Variants in CUX2 observed in about 807,000 individuals in gnomAD.
CUX2 encodes homeobox protein cut-like 2.
In CUX2, 40 loss-of-function variants were observed where a neutral mutation model predicts 144.8. The observed-to-expected ratio is 0.28, with a 90% CI of 0.21 to 0.36. The LOEUF is 0.36. Among genes scored for constraint, CUX2 ranks in the 10% least tolerant of loss-of-function variants. The pLI is 1.00. For synonymous variants in CUX2, 827 were observed against 875.6 expected (o/e 0.94, Z 0.98); for missense variants, 1,615 against 1,994.0 (o/e 0.81, Z 3.62).
At chr12:111,299,319 G>T (rs920358972) in intron 9 of CUX2, among the ~76,000 whole-genome samples, 1 of 152,232 alleles carries the variant, frequency 6.6e-6, no homozygotes, top group African/African-American at 2.4e-5. Context: ...TTTTGAAGCT[G>T]GGTTTCAGAG....
At chr12:111,340,368 GC>G (rs1204765306) in intron 20 of CUX2, among the ~76,000 whole-genome samples, 1 of 152,044 alleles carries the variant, frequency 6.6e-6, no homozygotes, top group East Asian at 1.9e-4. Flanking sequence ...CCTACCTATT[GC>G]CCACTGAAGG....
chr12:111,118,487 G>A (rs1044080407), intron 1 of CUX2, among the ~76,000 whole-genome samples: 4 of 152,122 alleles, frequency 2.6e-5, no homozygotes, highest in African/African-American at 9.7e-5. Context: ...ACCAGTCAGG[G>A]CTTTTTTCCC....
intron 3 of CUX2, among the ~76,000 whole-genome samples, chr12:111,220,075 C>T (rs192246918): frequency 2.6e-5 from 4 of 151,018 alleles, no homozygotes; most frequent in African/African-American, 9.8e-5. Context: ...ACCCAGGAGG[C>T]GGAGGTTGCA....
At chr12:111,343,440 C>G (rs971950541) in intron 21 of CUX2, among the ~76,000 whole-genome samples, 2 of 152,144 alleles carry the variant, frequency 1.3e-5, no homozygotes, top group Non-Finnish European at 2.9e-5. Flanking sequence ...CCCTGCCAAG[C>G]TTCCTGAGCA....
intron 1 of CUX2, among the ~76,000 whole-genome samples, chr12:111,161,007 T>G (rs1877724027): frequency 6.6e-6 from 1 of 152,090 alleles, no homozygotes; most frequent in Non-Finnish European, 1.5e-5. Flanking sequence ...AGAGGGGTTA[T>G]CAGGTCCGCA....
intron 1 of CUX2, among the ~76,000 whole-genome samples, chr12:111,185,465 C>T (rs1231035075): frequency 6.6e-6 from 1 of 152,208 alleles, no homozygotes; most frequent in East Asian, 1.9e-4. Context: ...GGACAGGTGT[C>T]GGCGTAATCG....
At chr12:111,182,315 G>A (rs1336577543) in intron 1 of CUX2, among the ~76,000 whole-genome samples, 3 of 152,128 alleles carry the variant, frequency 2.0e-5, no homozygotes, top group African/African-American at 4.8e-5. Context: ...CCACTTCCAC[G>A]CTAAATCATA....
chr12:111,142,171 T>G (rs1876365585), intron 1 of CUX2, among the ~76,000 whole-genome samples: 2 of 152,190 alleles, frequency 1.3e-5, no homozygotes, highest in South Asian at 4.1e-4. Context: ...AATTTGTAAA[T>G]TTCCATTAGA....
chr12:111,335,808 AG>A (rs1157372822), intron 19 of CUX2, among the ~76,000 whole-genome samples: 1 of 152,122 alleles, frequency 6.6e-6, no homozygotes, highest in Non-Finnish European at 1.5e-5. Flanking sequence ...CAGGAAGCTG[AG>A]GCAGGAGGCC....
At position 111,310,815 on chromosome 12, in the gene CUX2, G is replaced by A; in HGVS notation, c.1900+133G>A. On this transcript the variant is annotated intron_variant, in intron 15 of 21. Transcript: ENST00000261726. The surrounding 1 kb of genome is among the most constrained non-coding windows in gnomAD (Gnocchi z 7.9). ...CACCTGGCTGTGTGACCCAGGGCCA[G>A]TGGCTTTGCCTGTCTGTGCCTCAGT... 9.6e-7 allele frequency: 1 copy of A among 1,045,836 alleles called. No homozygotes were observed. The highest frequency in any genetic ancestry group is 1.7e-5 in the South Asian group (1 of 58,980). The allele number at this position is 1,045,836 out of a possible 1,614,324, so 64.8% of individuals were successfully genotyped here. A position where few individuals can be genotyped will look rare whatever the true frequency, so the allele number is the denominator to read the frequency against.
At position 111,295,765 on chromosome 12, in the gene CUX2, A is replaced by AATTAATTAATTAATTAATTAATTAATTT. The variant is rs548397283; in HGVS notation, c.637+371_637+372insAATTAATTAATTTATTAATTAATTAATT. Among the ~76,000 whole-genome samples, 1 of 151,478 alleles carries AATTAATTAATTAATTAATTAATTAATTT rather than the reference A, an allele frequency of 6.6e-6. No homozygotes were observed. Among genetic ancestry groups the AATTAATTAATTAATTAATTAATTAATTT allele is most frequent in the East Asian group, 2.0e-4 (1 of 5,016 alleles). ...AGACCCTGTCTCTAATTAATTAATT[A>AATTAATTAATTAATTAATTAATTAATTT]ATTAATTAATTAATTTAATACAACC... On this transcript the variant is annotated intron_variant, in intron 7 of 21. Coordinates refer to ENST00000261726, the MANE Select transcript of CUX2 (RefSeq NM_015267.4). The surrounding 1 kb of genome is among the most constrained non-coding windows in gnomAD (Gnocchi z 5.0).
At chr12:111,184,097 C>A (rs1233411180) in intron 1 of CUX2, among the ~76,000 whole-genome samples, 1 of 152,186 alleles carries the variant, frequency 6.6e-6, no homozygotes, top group Admixed American at 6.5e-5. Context: ...ATGGGAGCAG[C>A]CATCAATGTG....
intron 3 of CUX2, among the ~76,000 whole-genome samples, chr12:111,233,073 G>A (rs1171697948): frequency 6.6e-6 from 1 of 152,208 alleles, no homozygotes; most frequent in African/African-American, 2.4e-5. Context: ...CTAGTCACAG[G>A]AAGAGAGGAA....
intron 5 of CUX2, among the ~76,000 whole-genome samples, chr12:111,292,068 T>TGAC (rs1212919893): frequency 6.6e-6 from 1 of 152,108 alleles, no homozygotes; most frequent in Non-Finnish European, 1.5e-5. Context: ...GCTCACCACA[T>TGAC]GACCCAGCAG....
rs758986271 is a variant in CUX2, at chr12:111,186,739, G to A, written c.64-27461G>A. 3.9e-5 allele frequency among the ~76,000 whole-genome samples: 6 copies of A among 152,118 alleles called. No homozygotes were observed. The South Asian group carries it at 1.0e-3, about 26-fold the overall frequency. ...GTGATGGTGCATACCTGAGAGGGTC[G>A]CTGAGACATGTGCAGGTATTAAAAT... On this transcript the variant is annotated intron_variant, in intron 1 of 21. Transcript: ENST00000261726. The surrounding 1 kb of genome is among the most constrained non-coding windows in gnomAD (Gnocchi z 4.4).
intron 1 of CUX2, among the ~76,000 whole-genome samples, chr12:111,093,360 C>T (rs1872643264): frequency 6.6e-6 from 1 of 152,186 alleles, no homozygotes; most frequent in Non-Finnish European, 1.5e-5. Context: ...TTTGCATCTC[C>T]TGCCCCTCAC....
intron 2 of CUX2, among the ~76,000 whole-genome samples, chr12:111,217,530 C>G (rs145136150): frequency 6.6e-6 from 1 of 152,280 alleles, no homozygotes; most frequent in African/African-American, 2.4e-5. Context: ...CACCCCACTC[C>G]AAAGTGTGAC....
intron 1 of CUX2, among the ~76,000 whole-genome samples, chr12:111,172,486 C>T (rs1836521548): frequency 1.3e-5 from 2 of 152,160 alleles, no homozygotes; most frequent in Admixed American, 1.3e-4. Flanking sequence ...ATTATATCAT[C>T]GTGGCTGCTT....
chr12:111,332,396 T>C (rs1565927458), intron 18 of CUX2, among the ~76,000 whole-genome samples: 3 of 152,038 alleles, frequency 2.0e-5, no homozygotes, highest in Admixed American at 6.5e-5. Flanking sequence ...GCCTCCCAAA[T>C]TGCTGGGATT....
Sources: allele counts gnomAD v4.1 joint callset (sites outside exome capture counted in the v4.1 genomes callset), GRCh38; gene constraint gnomAD v4.1.1; non-coding constraint Gnocchi (gnomAD v3.1); transcripts MANE v1.5; gene names NCBI Gene and HGNC (gene_info 2026-07-23, HGNC 2026-07-21).